The following TBC1D19 variants were observed in gnomAD, a reference collection of about 807,000 sequenced individuals.
TBC1D19 encodes the protein TBC1 domain family member 19.
Under a neutral mutation model 89.0 loss-of-function variants are expected in TBC1D19, and 60 were observed. The ratio of observed to expected loss-of-function variants is 0.67; its 90% confidence interval spans 0.55 to 0.84. The LOEUF is 0.84. TBC1D19 is among the 40% of genes least tolerant of loss of function. The pLI, the probability that TBC1D19 is intolerant of heterozygous loss-of-function variation, is 0.00. For missense variants in TBC1D19, 500 were observed against 610.8 expected (o/e 0.82, Z 1.91); for synonymous variants, 189 against 199.7 (o/e 0.95, Z 0.45).
At position 26,657,056 on chromosome 4, in the gene TBC1D19, G is replaced by GTTCTTC. The variant is rs59336873; in HGVS notation, c.481-2522_481-2517dup. On this transcript the variant is annotated intron_variant, in intron 7 of 20. Coordinates refer to ENST00000264866, the MANE Select transcript of TBC1D19 (RefSeq NM_018317.4). ...TTCTCTCTTTCTTCTTCCTCTTCTT[G>GTTCTTC]TTCTTCTTCTTCTTCTTCTTCTTCA... Among the ~76,000 whole-genome samples the GTTCTTC allele has an allele frequency of 4.9e-3, 595 of 121,122 alleles. 7 individuals carry two copies. Among genetic ancestry groups the GTTCTTC allele is most frequent in the African/African-American group, 0.019 (571 of 29,448 alleles). The allele number at this position is 121,122 out of a possible 152,430, so 79.5% of individuals were successfully genotyped here.
At chr4:26,727,068 G>T (rs1234803011) in intron 15 of TBC1D19, among the ~76,000 whole-genome samples, 1 of 152,146 alleles carries the variant, frequency 6.6e-6, no homozygotes, top group East Asian at 1.9e-4. Flanking sequence ...ATTACTTATA[G>T]CAGACTTGTA....
chr4:26,776,374 C>T, the TBC1D19 span, among the ~76,000 whole-genome samples: 976 of 152,210 alleles, frequency 6.4e-3, 9 homozygotes, highest in African/African-American at 0.023. Context: ...CTTTATCCAA[C>T]AATTCACATA....
intron 1 of TBC1D19, among the ~76,000 whole-genome samples, chr4:26,591,488 T>A (rs1201027983): frequency 6.6e-6 from 1 of 151,942 alleles, no homozygotes; most frequent in Admixed American, 6.6e-5. Flanking sequence ...AAAAATTAAC[T>A]GCCTGAACTG....
chr4:26,672,303 G>T (rs1410593301), intron 10 of TBC1D19, 116 bp downstream of exon 10: 1 of 815,096 alleles, frequency 1.2e-6, no homozygotes, highest in Non-Finnish European at 1.7e-6. Context: ...AAAACCTAAA[G>T]AGGGGTAATA....
intron 4 of TBC1D19, among the ~76,000 whole-genome samples, chr4:26,634,441 A>G (rs1742999596): frequency 6.6e-6 from 1 of 152,110 alleles, no homozygotes; most frequent in African/African-American, 2.4e-5. Flanking sequence ...CATGGAGATG[A>G]TTAGCATCAC....
At chr4:26,693,150 A>G (rs1714451725) in intron 13 of TBC1D19, among the ~76,000 whole-genome samples, 1 of 151,234 alleles carries the variant, frequency 6.6e-6, no homozygotes, top group Non-Finnish European at 1.5e-5. Context: ...ACCCTGCTAA[A>G]GCCAGTGTCA....
chr4:26,800,612 AG>A, the TBC1D19 span, among the ~76,000 whole-genome samples: 2 of 152,232 alleles, frequency 1.3e-5, no homozygotes, highest in Non-Finnish European at 1.5e-5. Context: ...ACTAGTTTAC[AG>A]TCCCACCAAC....
chr4:26,578,575 AAG>A (rs143078134), intron 1 of TBC1D19, among the ~76,000 whole-genome samples: 86 of 147,818 alleles, frequency 5.8e-4, no homozygotes, highest in Non-Finnish European at 8.0e-4. Context: ...GTAGAAATGT[AAG>A]AGAGAGAGAG....
At chr4:26,618,878 G>A (rs926728678) in intron 3 of TBC1D19, among the ~76,000 whole-genome samples, 8 of 152,072 alleles carry the variant, frequency 5.3e-5, no homozygotes, top group African/African-American at 1.4e-4. Context: ...AGGGAGACTT[G>A]GGGGACAAGA....
At chr4:26,703,428 G>A (rs573675496) in intron 13 of TBC1D19, among the ~76,000 whole-genome samples, 4 of 152,212 alleles carry the variant, frequency 2.6e-5, no homozygotes, top group African/African-American at 9.6e-5. Context: ...TAAGACAGAA[G>A]AAAGCCTGTT....
chr4:26,623,101 C>T (rs371768219), intron 4 of TBC1D19, among the ~76,000 whole-genome samples: 1 of 152,148 alleles, frequency 6.6e-6, no homozygotes, highest in East Asian at 1.9e-4. Flanking sequence ...ATTCTCTCTT[C>T]TTTCCATGAA....
intron 18 of TBC1D19, among the ~76,000 whole-genome samples, chr4:26,744,995 A>G (rs574377491): frequency 1.6e-4 from 24 of 152,194 alleles, no homozygotes; most frequent in African/African-American, 3.6e-4. Flanking sequence ...GATTTTGTCT[A>G]TGTCTTCCTT....
intron 15 of TBC1D19, among the ~76,000 whole-genome samples, chr4:26,720,609 G>T (rs1716909965): frequency 6.6e-6 from 1 of 152,034 alleles, no homozygotes; most frequent in African/African-American, 2.4e-5. Flanking sequence ...GACCTCATTA[G>T]ACATTAAATA....
At chr4:26,720,278 A>G (rs1433887982) in intron 15 of TBC1D19, among the ~76,000 whole-genome samples, 153 bp downstream of exon 15, 1 of 152,112 alleles carries the variant, frequency 6.6e-6, no homozygotes, top group Non-Finnish European at 1.5e-5. Context: ...AATCCTCCAC[A>G]TTTGTGGTAG....
Position 26,651,351 on chromosome 4 carries a change from T to C in TBC1D19, c.481-8246T>C, listed in dbSNP as rs573459821. Among the ~76,000 whole-genome samples, 423 of 152,338 alleles carry C rather than the reference T, an allele frequency of 2.8e-3. 2 individuals carry two copies. Among genetic ancestry groups the C allele is most frequent in the African/African-American group, 9.8e-3 (409 of 41,574 alleles). ...TATTGATTCTTCCTACCCATGAGCA[T>C]GGAATGTTCTCCCATTTGTTTGTAT... is the stretch of plus-strand genomic sequence containing the variant. On this transcript the variant is annotated intron_variant, in intron 7 of 20. Transcript: ENST00000264866.
chr4:26,808,083 T>G, the TBC1D19 span, among the ~76,000 whole-genome samples: 12 of 152,338 alleles, frequency 7.9e-5, no homozygotes, highest in Admixed American at 1.3e-4. Flanking sequence ...GGTACATTTT[T>G]GCAAGAGACA....
At chr4:26,696,584 C>T (rs1485107667) in intron 13 of TBC1D19, among the ~76,000 whole-genome samples, 1 of 152,172 alleles carries the variant, frequency 6.6e-6, no homozygotes, top group Non-Finnish European at 1.5e-5. Flanking sequence ...CACACTTATT[C>T]CAAAATTGAC....
At chr4:26,593,020 T>G (rs1221655305) in intron 1 of TBC1D19, among the ~76,000 whole-genome samples, 1 of 152,120 alleles carries the variant, frequency 6.6e-6, no homozygotes, top group Non-Finnish European at 1.5e-5. Context: ...AAAAAGATCC[T>G]GCATTGCCAA....
chr4:26,845,406 A>G, the TBC1D19 span, among the ~76,000 whole-genome samples: 5 of 151,406 alleles, frequency 3.3e-5, no homozygotes, highest in Non-Finnish European at 7.4e-5. Flanking sequence ...TGACAATTTA[A>G]ACTATTTTTA....
Sources: gnomAD v4.1 joint callset for allele counts (sites outside exome capture counted in the v4.1 genomes callset) on GRCh38, gnomAD v4.1.1 for gene constraint, MANE v1.5 for transcripts, NCBI Gene and HGNC (gene_info 2026-07-23, HGNC 2026-07-21) for gene names.